The following RABGAP1L variants were observed in gnomAD, a reference collection of about 807,000 sequenced individuals.
RABGAP1L encodes the protein rab GTPase-activating protein 1-like.
In RABGAP1L, 63 loss-of-function variants were observed where a neutral mutation model predicts 137.7. The ratio of observed to expected loss-of-function variants is 0.46; its 90% CI spans 0.37 to 0.56. The LOEUF (loss-of-function observed/expected upper bound fraction) is 0.56, where lower values mean the gene tolerates loss of function less well. Ranked by LOEUF, RABGAP1L falls within the 20% of genes least tolerant of loss-of-function variation. RABGAP1L has a pLI of 0.00. For synonymous variants in RABGAP1L, 431 were observed against 433.7 expected (o/e 0.99, Z 0.08); for missense variants, 1,095 against 1,244.0 (o/e 0.88, Z 1.80).
chr1:174,911,052 G>A (rs1248594041), intron 19 of RABGAP1L, among the ~76,000 whole-genome samples: 1 of 152,150 alleles, frequency 6.6e-6, no homozygotes, highest in East Asian at 1.9e-4. Context: ...GACTAATTAT[G>A]TTGAGTATCT....
intron 12 of RABGAP1L, among the ~76,000 whole-genome samples, chr1:174,371,573 C>CA (rs556860421): frequency 1.2e-4 from 18 of 151,710 alleles, no homozygotes; most frequent in African/African-American, 4.3e-4. Context: ...TGTGGAATTA[C>CA]AAAAAAAGTA....
chr1:174,628,293 A>G (rs1485293115), intron 13 of RABGAP1L, among the ~76,000 whole-genome samples: 1 of 152,212 alleles, frequency 6.6e-6, no homozygotes, highest in Non-Finnish European at 1.5e-5. Context: ...GTAAATCTCT[A>G]AAGGAATTGG....
chr1:174,681,462 T>C (rs1205146516), intron 14 of RABGAP1L, among the ~76,000 whole-genome samples: 1 of 152,264 alleles, frequency 6.6e-6, no homozygotes, highest in African/African-American at 2.4e-5. Flanking sequence ...CTACGTATTA[T>C]ATGAGTACAT....
chr1:174,963,188 A>G (rs1669321092), intron 20 of RABGAP1L, among the ~76,000 whole-genome samples: 1 of 152,164 alleles, frequency 6.6e-6, no homozygotes, highest in Non-Finnish European at 1.5e-5. Flanking sequence ...GGCTTTTGGA[A>G]ATAGTATGTT....
chr1:174,668,328 T>C (rs900941496), intron 14 of RABGAP1L, among the ~76,000 whole-genome samples: 8 of 152,198 alleles, frequency 5.3e-5, no homozygotes, highest in Non-Finnish European at 8.8e-5. Context: ...GTCAACTTTT[T>C]TTTAGGGTCT....
chr1:174,436,160 G>T (rs1489765932), intron 13 of RABGAP1L, among the ~76,000 whole-genome samples: 1 of 152,004 alleles, frequency 6.6e-6, no homozygotes, highest in East Asian at 1.9e-4. Context: ...TAATCCTTTG[G>T]GTATATACCC....
chr1:174,670,568 T>C (rs1177345928), intron 14 of RABGAP1L, among the ~76,000 whole-genome samples: 2 of 152,184 alleles, frequency 1.3e-5, no homozygotes, highest in East Asian at 3.8e-4. Context: ...TTTCAGCCTC[T>C]GGTAACCATC....
chr1:174,577,978 C>A (rs1668495352), intron 13 of RABGAP1L, among the ~76,000 whole-genome samples: 1 of 152,116 alleles, frequency 6.6e-6, no homozygotes, highest in Non-Finnish European at 1.5e-5. Context: ...ATTGCCAACA[C>A]TTGGATAAAT....
chr1:174,363,997 C>T (rs1477756499), intron 11 of RABGAP1L, among the ~76,000 whole-genome samples: 2 of 151,610 alleles, frequency 1.3e-5, no homozygotes, highest in East Asian at 1.9e-4. Context: ...TGATATTGGC[C>T]TACAGTTTCC....
At chr1:174,694,807 G>T (rs1383215724) in intron 15 of RABGAP1L, among the ~76,000 whole-genome samples, 2 of 151,288 alleles carry the variant, frequency 1.3e-5, no homozygotes, top group African/African-American at 4.8e-5. Flanking sequence ...CTAGTTTACA[G>T]TCCCACCGAC....
chr1:174,747,239 C>T (rs1036555813), intron 17 of RABGAP1L, among the ~76,000 whole-genome samples: 4 of 151,650 alleles, frequency 2.6e-5, no homozygotes, highest in African/African-American at 4.9e-5. Flanking sequence ...CTCATCTCTA[C>T]GAAAAAATTA....
intron 4 of RABGAP1L, among the ~76,000 whole-genome samples, chr1:174,239,249 C>T (rs1042354524): frequency 6.6e-5 from 10 of 152,178 alleles, no homozygotes; most frequent in Non-Finnish European, 1.0e-4. Context: ...ACGCTGGGAG[C>T]TGTAGACCGG....
intron 18 of RABGAP1L, among the ~76,000 whole-genome samples, chr1:174,778,756 G>A (rs928819497): frequency 6.6e-5 from 10 of 151,854 alleles, no homozygotes; most frequent in South Asian, 2.1e-4. Flanking sequence ...CACCATGCCC[G>A]GCTAATTTTT....
At chr1:174,967,994 T>C (rs887597905) in intron 20 of RABGAP1L, among the ~76,000 whole-genome samples, 2 of 151,990 alleles carry the variant, frequency 1.3e-5, no homozygotes, top group Non-Finnish European at 2.9e-5. Flanking sequence ...GGTTTTGTCC[T>C]TTAACTTCTC....
At chr1:174,856,764 T>C (rs900276832) in intron 19 of RABGAP1L, among the ~76,000 whole-genome samples, 1 of 151,790 alleles carries the variant, frequency 6.6e-6, no homozygotes, top group Non-Finnish European at 1.5e-5. Flanking sequence ...CCATCTGTAC[T>C]AAAAATACTA....
Position 174,851,136 on chromosome 1 carries a change from C to G in RABGAP1L, c.2340+39176C>G, listed in dbSNP as rs574667151. On this transcript the variant is annotated intron_variant, in intron 19 of 25. Transcript: ENST00000681986. ...GCAGAGCCCACTTGGGACTCCTGAC[C>G]TATGGGGATGTGAGATAATAAATGG... Among the ~76,000 whole-genome samples, 10 of 152,308 alleles carry G rather than the reference C, an allele frequency of 6.6e-5. No individual in the cohort carries two copies. The South Asian group carries it at 2.1e-3, about 32-fold the overall frequency.
rs1226178964 is a variant in RABGAP1L, at chr1:174,900,065, C to T, written c.2341-57392C>T. ...TTAACTCAATTTGGGAAAAACAAAA[C>T]TAGCAATTGCAACTGTCCACCAGAA... is the stretch of plus-strand genomic sequence containing the variant. On this transcript the variant is annotated intron_variant, in intron 19 of 25. Transcript: ENST00000681986. 2.6e-5 allele frequency among the ~76,000 whole-genome samples: 4 copies of T among 152,186 alleles called. No individual in the cohort carries two copies. In the East Asian group the frequency reaches 7.7e-4, roughly 29 times the overall value.
Position 174,223,264 on chromosome 1 carries a change from T to TAAAAAAAAAA in RABGAP1L, c.331+2120_331+2129dup, listed in dbSNP as rs550034492. ...GCCTGCGTGACAGTGAGACTCTGTC[T>TAAAAAAAAAA]AAAAAAAAAAAAAAAAAAAAAAAAA... is the stretch of plus-strand genomic sequence containing the variant. On this transcript the variant is annotated intron_variant, in intron 3 of 25. Coordinates refer to ENST00000681986, the MANE Select transcript of RABGAP1L (RefSeq NM_001366446.1). Among the ~76,000 whole-genome samples, 16 of 39,900 alleles carry TAAAAAAAAAA rather than the reference T, an allele frequency of 4.0e-4. 1 individual carries two copies. The highest frequency in any genetic ancestry group is 6.0e-4 in the Non-Finnish European group (11 of 18,216). 26.2% of individuals were successfully genotyped at this position (39,900 alleles called of 152,430 possible).
chr1:174,349,536 C>T (rs1351456235), intron 11 of RABGAP1L, among the ~76,000 whole-genome samples: 1 of 133,630 alleles, frequency 7.5e-6, no homozygotes, highest in African/African-American at 2.8e-5. Context: ...GGCGGCCGGG[C>T]AGAGGCGCCC....
Sources: gnomAD v4.1 joint callset for allele counts (sites outside exome capture counted in the v4.1 genomes callset) on GRCh38, gnomAD v4.1.1 for gene constraint, MANE v1.5 for transcripts, NCBI Gene and HGNC (gene_info 2026-07-23, HGNC 2026-07-21) for gene names.